CTNNA3: variants seen among roughly 807,000 people sequenced by gnomAD.
CTNNA3 encodes the protein catenin alpha-3.
In CTNNA3, 76 loss-of-function variants were observed where a neutral mutation model predicts 95.7. The ratio of observed to expected loss-of-function variants is 0.79; its 90% CI spans 0.66 to 0.96. CTNNA3 has a LOEUF of 0.96. Ranked by LOEUF, CTNNA3 falls within the 40% of genes least tolerant of loss-of-function variation. The pLI is 0.00. For missense variants in CTNNA3, 1,191 were observed against 1,089.8 expected (o/e 1.09, Z -1.31); for synonymous variants, 431 against 374.4 (o/e 1.15, Z -1.74).
intron 13 of CTNNA3, among the ~76,000 whole-genome samples, chr10:66,138,102 G>A (rs547110521): frequency 2.4e-4 from 37 of 152,136 alleles, no homozygotes; most frequent in Non-Finnish European, 4.7e-4. Flanking sequence ...AAAGCCCGCA[G>A]TCTTTGAAAA....
intron 1 of CTNNA3, among the ~76,000 whole-genome samples, chr10:67,726,470 A>AAT (rs1245253892): frequency 3.2e-4 from 18 of 55,762 alleles, no homozygotes; most frequent in Non-Finnish European, 4.5e-4. Context: ...TATATGATAT[A>AAT]ATATTATATA....
chr10:67,325,071 G>C (rs2132563101), intron 5 of CTNNA3, among the ~76,000 whole-genome samples: 1 of 151,968 alleles, frequency 6.6e-6, no homozygotes, highest in African/African-American at 2.4e-5. Context: ...ATTTCTGTGG[G>C]GTCAATGGTA....
chr10:67,482,882 G>C (rs1848292722), intron 5 of CTNNA3, among the ~76,000 whole-genome samples: 2 of 152,070 alleles, frequency 1.3e-5, no homozygotes, highest in Admixed American at 1.3e-4. Context: ...ATTGGCTGTG[G>C]GTTTGTCATA....
At chr10:66,841,539 T>C (rs1258147705) in intron 7 of CTNNA3, among the ~76,000 whole-genome samples, 1 of 152,156 alleles carries the variant, frequency 6.6e-6, no homozygotes, top group Admixed American at 6.5e-5. Context: ...TGGTCATTGG[T>C]TTCAAATGTC....
chr10:67,387,106 A>G (rs1177221540), intron 5 of CTNNA3, among the ~76,000 whole-genome samples: 1 of 152,154 alleles, frequency 6.6e-6, no homozygotes, highest in African/African-American at 2.4e-5. Flanking sequence ...AGCGTGAGCG[A>G]CGCAGAAGAC....
intron 7 of CTNNA3, among the ~76,000 whole-genome samples, chr10:67,037,790 G>A (rs1005788424): frequency 6.6e-6 from 1 of 152,122 alleles, no homozygotes; most frequent in South Asian, 2.1e-4. Context: ...ATACATGGAT[G>A]GTAGTTACAG....
At chr10:66,690,257 T>C (rs1847469741) in intron 9 of CTNNA3, among the ~76,000 whole-genome samples, 2 of 152,314 alleles carry the variant, frequency 1.3e-5, no homozygotes, top group African/African-American at 4.8e-5. Context: ...TCTAATATAA[T>C]TTTATTTACA....
intron 9 of CTNNA3, chr10:66,766,051 G>A: frequency 2.3e-6 from 1 of 433,924 alleles, no homozygotes. Flanking sequence ...CCTTTGTGAA[G>A]CTCTAATAAA....
chr10:65,943,209 G>A (rs189799760), intron 17 of CTNNA3, among the ~76,000 whole-genome samples: 1 of 152,006 alleles, frequency 6.6e-6, no homozygotes, highest in Non-Finnish European at 1.5e-5. Flanking sequence ...GACTACAGGC[G>A]CCCACCACCG....
chr10:67,305,366 AAAAAAAAAAATT>A (rs1840505797), intron 5 of CTNNA3, among the ~76,000 whole-genome samples: 1 of 133,710 alleles, frequency 7.5e-6, no homozygotes, highest in South Asian at 2.2e-4. Context: ...GAGTATAATA[AAAAAAAAAAATT>A]AAAAAAAAAA....
chr10:67,541,548 C>A (rs1226926445), intron 3 of CTNNA3, among the ~76,000 whole-genome samples: 2 of 151,970 alleles, frequency 1.3e-5, no homozygotes, highest in Non-Finnish European at 2.9e-5. Context: ...GTTCTGGGAA[C>A]TTGGACAGTA....
At chr10:67,346,677 A>G in intron 5 of CTNNA3, 1 of 511,308 alleles carries the variant, frequency 2.0e-6, no homozygotes, top group South Asian at 1.4e-5. Context: ...GGCCTTCCTA[A>G]TCTCGTGGCG....
Position 67,601,552 on chromosome 10 carries a change from C to A in CTNNA3, c.292+5305G>T, listed in dbSNP as rs1275655457. ...CCGGTCCACGACCCAGGGTTGGGGA[C>A]CCCTGGCTTAGAAGCAATGTCTAGA... On this transcript the variant is annotated intron_variant, in intron 3 of 17. Transcript: ENST00000433211. 2.6e-5 allele frequency among the ~76,000 whole-genome samples: 4 copies of A among 151,952 alleles called. No homozygotes were observed. The East Asian group carries it at 7.7e-4, about 29-fold the overall frequency.
chr10:66,825,691 C>T (rs773513172), intron 7 of CTNNA3, among the ~76,000 whole-genome samples: 14 of 152,124 alleles, frequency 9.2e-5, no homozygotes, highest in Admixed American at 9.2e-4. Flanking sequence ...TAAGATCTTC[C>T]ACAAGCTAGC....
intron 10 of CTNNA3, among the ~76,000 whole-genome samples, chr10:66,548,934 T>G (rs1284263005): frequency 6.6e-6 from 1 of 151,892 alleles, no homozygotes; most frequent in Non-Finnish European, 1.5e-5. Context: ...GGAAAGGTTT[T>G]GCTATTAAAA....
At chr10:67,310,385 T>TCA (rs200571213) in intron 5 of CTNNA3, among the ~76,000 whole-genome samples, 5 of 151,908 alleles carry the variant, frequency 3.3e-5, no homozygotes, top group Non-Finnish European at 5.9e-5. Flanking sequence ...GTGATGTCCT[T>TCA]CACACACACA....
At chr10:67,400,339 A>G (rs1197923552) in intron 5 of CTNNA3, among the ~76,000 whole-genome samples, 1 of 152,260 alleles carries the variant, frequency 6.6e-6, no homozygotes, top group African/African-American at 2.4e-5. Flanking sequence ...TATTTTGAAT[A>G]GATTTACTTT....
chr10:66,892,619 G>C (rs1291579801), intron 7 of CTNNA3, among the ~76,000 whole-genome samples: 1 of 152,002 alleles, frequency 6.6e-6, no homozygotes, highest in Non-Finnish European at 1.5e-5. Flanking sequence ...TATTCTTGAA[G>C]TCAGAAATAG....
intron 9 of CTNNA3, among the ~76,000 whole-genome samples, chr10:66,740,332 C>T (rs1849286943): frequency 1.3e-5 from 2 of 152,094 alleles, no homozygotes; most frequent in Non-Finnish European, 2.9e-5. Context: ...CACAGAAGTC[C>T]CACACTGGCA....
Sources: allele counts gnomAD v4.1 joint callset (sites outside exome capture counted in the v4.1 genomes callset), GRCh38; gene constraint gnomAD v4.1.1; transcripts MANE v1.5; gene names NCBI Gene and HGNC (gene_info 2026-07-23, HGNC 2026-07-21).